SCN10A: variants seen among roughly 807,000 people sequenced by gnomAD.
The protein encoded by SCN10A is sodium voltage-gated channel alpha subunit 10.
A neutral mutation model predicts 170.7 loss-of-function variants in SCN10A; 162 were observed. The observed-to-expected ratio is 0.95, with a 90% CI of 0.84 to 1.08. The LOEUF (loss-of-function observed/expected upper bound fraction) is 1.08, where lower values mean the gene tolerates loss of function less well. Among genes scored for constraint, SCN10A ranks in the 50% least tolerant of loss-of-function variants. The pLI is 0.00. For missense variants in SCN10A, 2,527 were observed against 2,436.9 expected, an observed-to-expected ratio of 1.04 and a Z score of -0.78; for synonymous variants, 985 against 904.6, an observed-to-expected ratio of 1.09 and a Z score of -1.59.
chr3:38,779,147 C>T (rs1381203518), intron 4 of SCN10A, among the ~76,000 whole-genome samples: 2 of 152,016 alleles, frequency 1.3e-5, no homozygotes, highest in East Asian at 1.9e-4. Flanking sequence ...TAAGGATACT[C>T]ACCAAAAAAT....
At chr3:38,712,517 A>G in intron 22 of SCN10A, 72 bp from the exon 23 acceptor site, 1 of 1,498,842 alleles carries the variant, frequency 6.7e-7, no homozygotes, top group Non-Finnish European at 9.1e-7. Context: ...ATCTCTTTCT[A>G]TACTCATTCA....
In SCN10A at chr3:38,722,257, C is replaced by T. The variant is rs1242670145; in HGVS notation, c.3507+1G>A. 1.2e-6 allele frequency: 2 copies of T among 1,613,128 alleles called. No homozygotes were observed. The highest frequency in any genetic ancestry group is 1.7e-6 in the Non-Finnish European group (2 of 1,179,494). ...GGGGCAGGGACTATGCCTCCCCTTA[C>T]CAGAGATCCACTGCTGAGCAGGATC... On this transcript the variant is annotated splice_donor_variant, in intron 20 of 27. Coordinates refer to ENST00000449082, the MANE Select transcript of SCN10A (RefSeq NM_006514.4). LOFTEE classifies it high-confidence loss of function.
intron 18 of SCN10A, among the ~76,000 whole-genome samples, chr3:38,724,898 C>T (rs2063435855): frequency 6.6e-6 from 1 of 152,168 alleles, no homozygotes; most frequent in South Asian, 2.1e-4. Context: ...GGGAACTGAT[C>T]TTAGGTCCCA....
At chr3:38,748,012 C>CCA (rs925097785) in intron 13 of SCN10A, among the ~76,000 whole-genome samples, 3 of 152,088 alleles carry the variant, frequency 2.0e-5, no homozygotes, top group Non-Finnish European at 4.4e-5. Context: ...TGAAGCAATG[C>CCA]CACACACACA....
chr3:38,708,431 C>A (rs2063234223), intron 25 of SCN10A, among the ~76,000 whole-genome samples: 2 of 152,176 alleles, frequency 1.3e-5, no homozygotes, highest in South Asian at 4.2e-4. Flanking sequence ...AATCTCAAAC[C>A]TCCCCAGGGT....
In SCN10A at chr3:38,726,596, T is replaced by A; in HGVS notation, c.3087+10A>T. The A allele has an allele frequency of 6.4e-7, 1 of 1,560,076 alleles. No individual in the cohort carries two copies. Among genetic ancestry groups the A allele is most frequent in the Non-Finnish European group, 8.7e-7 (1 of 1,145,970 alleles). On this transcript the variant is annotated intron_variant, in intron 17 of 27. Transcript: ENST00000449082. ...ACTGCCTGTGGCTGTCCCTTGGGGA[T>A]AACTCTTACCTGTCCTTTGGGGATC...
chr3:38,697,213 C>T lies in SCN10A; in HGVS notation c.*136G>A. On this transcript the variant is annotated 3_prime_UTR_variant, in exon 28 of 28. Transcript: ENST00000449082. Reference sequence around the variant, plus strand: ...TCAAAGGTGGTTACCAGTTGCATTCCCTGCCCAGTTCTGACATTGTGACCA... The same window carrying T: ...TCAAAGGTGGTTACCAGTTGCATTCTCTGCCCAGTTCTGACATTGTGACCA... The T allele has an allele frequency of 7.0e-7, 1 of 1,418,622 alleles. No homozygotes were observed. The highest frequency in any genetic ancestry group is 9.4e-7 in the Non-Finnish European group (1 of 1,063,584). 87.9% of individuals were successfully genotyped at this position (1,418,622 alleles called of 1,614,324 possible).
At chr3:38,727,550 G>C (rs1036122342) in intron 16 of SCN10A, among the ~76,000 whole-genome samples, 1 of 152,190 alleles carries the variant, frequency 6.6e-6, no homozygotes, top group Non-Finnish European at 1.5e-5. Flanking sequence ...GGCTCTGCAG[G>C]GATGGTGGGC....
At chr3:38,746,885 A>G (rs1401107778) in intron 13 of SCN10A, among the ~76,000 whole-genome samples, 1 of 152,178 alleles carries the variant, frequency 6.6e-6, no homozygotes, top group African/African-American at 2.4e-5. Flanking sequence ...CTCAGCTTGC[A>G]TGCCAAGCAT....
chr3:38,753,817 A>T lies in SCN10A; in HGVS notation c.1462-1305T>A, dbSNP rs189232400. Among the ~76,000 whole-genome samples, 7 of 152,318 alleles carry T rather than the reference A, an allele frequency of 4.6e-5. No individual in the cohort carries two copies. The East Asian group carries it at 1.3e-3, about 29-fold the overall frequency. On this transcript the variant is annotated intron_variant, in intron 11 of 27. Transcript: ENST00000449082. ...GAGTTATTTTAGAATTAAGGTTTTG[A>T]CAAATGGTGGGCAATGTCTTCTGAG... is the stretch of plus-strand genomic sequence containing the variant.
chr3:38,725,663 G>A (rs1206018108), intron 17 of SCN10A, among the ~76,000 whole-genome samples: 1 of 152,230 alleles, frequency 6.6e-6, no homozygotes, highest in Non-Finnish European at 1.5e-5. Context: ...CACTTTGCAC[G>A]AAGTGCTTGG....
At chr3:38,796,157 C>T (rs1159321842) in intron 1 of SCN10A, among the ~76,000 whole-genome samples, 2 of 152,100 alleles carry the variant, frequency 1.3e-5, no homozygotes, top group Non-Finnish European at 2.9e-5. Context: ...TAATTATCTC[C>T]TCACTTCTTT....
intron 6 of SCN10A, among the ~76,000 whole-genome samples, chr3:38,763,287 A>C (rs998124997): frequency 6.6e-6 from 1 of 152,192 alleles, no homozygotes; most frequent in Non-Finnish European, 1.5e-5. Flanking sequence ...TGGGAAGAGC[A>C]CTGGCCTAGG....
At chr3:38,786,350 C>G (rs1393689948) in intron 4 of SCN10A, among the ~76,000 whole-genome samples, 8 of 151,990 alleles carry the variant, frequency 5.3e-5, no homozygotes, top group Non-Finnish European at 7.4e-5. Flanking sequence ...AAGCTGGAAA[C>G]CATCATTCTC....
At chr3:38,733,945 C>T (rs1434226245) in intron 15 of SCN10A, among the ~76,000 whole-genome samples, 2 of 152,132 alleles carry the variant, frequency 1.3e-5, no homozygotes, top group African/African-American at 4.8e-5. Context: ...GTCTCGAACT[C>T]CCGACCTCAG....
At position 38,761,185 on chromosome 3, in the gene SCN10A, C is replaced by T; in HGVS notation, c.883+7G>A. The T allele has an allele frequency of 1.3e-6, 2 of 1,596,312 alleles. No homozygotes were observed. Among genetic ancestry groups the T allele is most frequent in the Non-Finnish European group, 1.7e-6 (2 of 1,168,366 alleles). On this transcript the variant is annotated splice_region_variant and intron_variant, in intron 7 of 27. Transcript: ENST00000449082. ...ACCTTGGTCCCTATGGAAGAGACTC[C>T]ACTCACGTTTTCTGTGAGATGAGTA...
chr3:38,706,846 G>T (rs1308750564), intron 26 of SCN10A, among the ~76,000 whole-genome samples: 6 of 152,158 alleles, frequency 3.9e-5, no homozygotes, highest in Non-Finnish European at 5.9e-5. Context: ...GAGTTGGGTT[G>T]TTGTCATTTC....
rs376146289 is a variant in SCN10A, at chr3:38,716,256, T to A, written c.3682-2176A>T. 4.6e-5 allele frequency among the ~76,000 whole-genome samples: 7 copies of A among 152,260 alleles called. No individual in the cohort carries two copies. In the East Asian group the frequency reaches 1.2e-3, roughly 25 times the overall value. The stretch of plus-strand genomic sequence containing the variant: ...TGTATCCCTTAAAAATTGATATGGT[T>A]TGGCTGTGTCCCCACCCAAATCTTA... On this transcript the variant is annotated intron_variant, in intron 21 of 27. Coordinates refer to ENST00000449082, the MANE Select transcript of SCN10A (RefSeq NM_006514.4).
chr3:38,789,722 G>A (rs140231835), intron 3 of SCN10A, among the ~76,000 whole-genome samples: 1 of 152,220 alleles, frequency 6.6e-6, no homozygotes, highest in Non-Finnish European at 1.5e-5. Context: ...AATAGCTAGA[G>A]TGGAGAATAT....
Sources: allele counts gnomAD v4.1 joint callset (sites outside exome capture counted in the v4.1 genomes callset), GRCh38; gene constraint gnomAD v4.1.1; transcripts MANE v1.5; gene names NCBI Gene and HGNC (gene_info 2026-07-23, HGNC 2026-07-21).